PCDH15: variants seen among roughly 807,000 people sequenced by gnomAD.
The protein encoded by PCDH15 is protocadherin-15.
A neutral mutation model predicts 178.5 loss-of-function variants in PCDH15; 129 were observed. That is an observed-to-expected ratio of 0.72 (90% CI 0.63 to 0.84). The LOEUF (loss-of-function observed/expected upper bound fraction) is 0.84, where lower values mean the gene tolerates loss of function less well. PCDH15 is among the 40% of genes least tolerant of loss of function. PCDH15 has a pLI of 0.00. For missense variants in PCDH15, 2,230 were observed against 2,099.9 expected (o/e 1.06, Z -1.21); for synonymous variants, 800 against 732.0 (o/e 1.09, Z -1.50).
chr10:54,228,778 G>C (rs537880845), intron 9 of PCDH15, among the ~76,000 whole-genome samples: 1 of 152,266 alleles, frequency 6.6e-6, no homozygotes, highest in African/African-American at 2.4e-5. Context: ...ATTGGTAAGA[G>C]CAGATCTTCT....
chr10:55,586,360 C>T (rs1490202914), intron 2 of PCDH15, among the ~76,000 whole-genome samples: 1 of 151,778 alleles, frequency 6.6e-6, no homozygotes, highest in East Asian at 1.9e-4. Context: ...AGACCAAATG[C>T]CTTGCCTTCT....
chr10:54,102,593 T>A (rs2094832494), intron 15 of PCDH15, among the ~76,000 whole-genome samples: 1 of 152,232 alleles, frequency 6.6e-6, no homozygotes, highest in South Asian at 2.1e-4. Context: ...GTGGCATTAA[T>A]CTCTGCAAAC....
At chr10:54,306,667 G>A (rs2060490750) in intron 8 of PCDH15, among the ~76,000 whole-genome samples, 1 of 151,774 alleles carries the variant, frequency 6.6e-6, no homozygotes, top group Non-Finnish European at 1.5e-5. Flanking sequence ...TGGGTACCAT[G>A]TCTTAGCCAA....
At chr10:55,330,838 ATGTGTGTGTG>A (rs71461291) in intron 2 of PCDH15, among the ~76,000 whole-genome samples, 14 of 144,614 alleles carry the variant, frequency 9.7e-5, no homozygotes, top group Non-Finnish European at 1.7e-4. Context: ...AGATTTATTT[ATGTGTGTGTG>A]TGTGTGTGTG....
At chr10:53,853,089 C>T (rs1350915348) in intron 28 of PCDH15, among the ~76,000 whole-genome samples, 3 of 151,564 alleles carry the variant, frequency 2.0e-5, no homozygotes, top group African/African-American at 7.3e-5. Flanking sequence ...AAAAAGAGAT[C>T]AGAAATATTT....
chr10:54,981,240 T>G (rs1219520), intron 2 of PCDH15, among the ~76,000 whole-genome samples: 53,561 of 151,940 alleles, frequency 0.35, 11,749 homozygotes, highest in African/African-American at 0.62. Context: ...TTCCTCCCCT[T>G]CTCTCGTCAA....
At chr10:54,928,576 A>G (rs963959512) in intron 2 of PCDH15, among the ~76,000 whole-genome samples, 4 of 152,136 alleles carry the variant, frequency 2.6e-5, no homozygotes, top group African/African-American at 9.7e-5. Context: ...AGGGACACCA[A>G]TGAGTCATAG....
At chr10:54,676,327 CT>C (rs1285943076) in intron 1 of PCDH15, among the ~76,000 whole-genome samples, 1 of 152,000 alleles carries the variant, frequency 6.6e-6, no homozygotes, top group Non-Finnish European at 1.5e-5. Flanking sequence ...TTAAACTAAT[CT>C]TTTCTCAAAT....
intron 1 of PCDH15, among the ~76,000 whole-genome samples, chr10:54,753,478 C>T (rs1395791877): frequency 1.3e-5 from 2 of 151,992 alleles, no homozygotes; most frequent in Admixed American, 6.5e-5. Flanking sequence ...CCACCAGGTC[C>T]GGCAGAGGCA....
At chr10:55,105,846 G>T (rs141077003) in intron 2 of PCDH15, among the ~76,000 whole-genome samples, 1 of 151,914 alleles carries the variant, frequency 6.6e-6, no homozygotes, top group Admixed American at 6.6e-5. Context: ...ATAAAAAAGT[G>T]ATTTTTTCTT....
chr10:54,916,677 G>A (rs150436008), intron 2 of PCDH15, among the ~76,000 whole-genome samples: 14 of 152,000 alleles, frequency 9.2e-5, no homozygotes, highest in African/African-American at 3.1e-4. Context: ...CTCACAATCC[G>A]ATATCACCTT....
intron 2 of PCDH15, among the ~76,000 whole-genome samples, chr10:55,390,351 G>C (rs779076136): frequency 6.6e-6 from 1 of 152,186 alleles, no homozygotes; most frequent in African/African-American, 2.4e-5. Context: ...GGTGGCTGCT[G>C]AACGCTGGGG....
At chr10:54,571,358 A>T (rs1402214761) in intron 2 of PCDH15, among the ~76,000 whole-genome samples, 1 of 138,790 alleles carries the variant, frequency 7.2e-6, no homozygotes, top group African/African-American at 2.7e-5. Context: ...AAAAAAAAAA[A>T]GCTGCAAAGA....
At chr10:54,243,555 C>T (rs892383133) in intron 8 of PCDH15, among the ~76,000 whole-genome samples, 2 of 152,110 alleles carry the variant, frequency 1.3e-5, no homozygotes, top group African/African-American at 2.4e-5. Flanking sequence ...TATTACATTG[C>T]AAATGTACTA....
intron 3 of PCDH15, among the ~76,000 whole-genome samples, chr10:54,481,915 T>G (rs1466376947): frequency 6.6e-6 from 1 of 151,864 alleles, no homozygotes; most frequent in Non-Finnish European, 1.5e-5. Flanking sequence ...ATTGCATATA[T>G]TCAGAGCTCC....
intron 3 of PCDH15, among the ~76,000 whole-genome samples, chr10:54,425,129 A>T (rs1956111542): frequency 6.6e-6 from 1 of 152,086 alleles, no homozygotes. Flanking sequence ...TTCAACTTTC[A>T]TGGCTGCTAT....
intron 15 of PCDH15, among the ~76,000 whole-genome samples, chr10:54,100,923 C>A (rs949544193): frequency 2.0e-5 from 3 of 151,956 alleles, no homozygotes; most frequent in Non-Finnish European, 4.4e-5. Flanking sequence ...TTCATGTCCA[C>A]TTTATATACT....
chr10:54,344,904 CAAAAA>C (rs57295345), intron 6 of PCDH15, among the ~76,000 whole-genome samples: 4 of 78,890 alleles, frequency 5.1e-5, no homozygotes, highest in African/African-American at 1.5e-4. Flanking sequence ...AGAAACAAAG[CAAAAA>C]AAAAAAAAAA....
At chr10:54,600,246 C>A in intron 2 of PCDH15, 1 of 566,642 alleles carries the variant, frequency 1.8e-6, no homozygotes, top group South Asian at 1.7e-5. Context: ...GCCACAGCAA[C>A]AGGAGAAAGA....
Sources: gnomAD v4.1 joint callset for allele counts (sites outside exome capture counted in the v4.1 genomes callset) on GRCh38, gnomAD v4.1.1 for gene constraint, MANE v1.5 for transcripts, NCBI Gene and HGNC (gene_info 2026-07-23, HGNC 2026-07-21) for gene names.